The following VAT1L variants were observed in gnomAD, a reference collection of about 807,000 sequenced individuals.
The protein encoded by VAT1L is vesicle amine transport 1 like.
A neutral mutation model predicts 44.1 loss-of-function variants in VAT1L; 34 were observed. That is an observed-to-expected ratio of 0.77 (90% CI 0.59 to 1.03). The LOEUF is 1.03. Among genes scored for constraint, VAT1L ranks in the 50% least tolerant of loss-of-function variants. The probability of loss-of-function intolerance (pLI) is 0.00; values close to 1 mark genes in which losing one functional copy is unlikely to be tolerated. For missense variants in VAT1L, 615 were observed against 538.8 expected, an observed-to-expected ratio of 1.14 and a Z score of -1.40; for synonymous variants, 253 against 202.2, an observed-to-expected ratio of 1.25 and a Z score of -2.13.
At chr16:77,929,321 A>G (rs1051889149) in intron 7 of VAT1L, among the ~76,000 whole-genome samples, 4 of 151,972 alleles carry the variant, frequency 2.6e-5, no homozygotes, top group African/African-American at 9.7e-5. Context: ...GATTGGCAAC[A>G]TTTTCTCAAC....
chr16:77,863,041 C>A (rs115912534), intron 4 of VAT1L, 151 bp downstream of exon 4: 6 of 955,536 alleles, frequency 6.3e-6, no homozygotes, highest in East Asian at 2.7e-5. Flanking sequence ...ATATTTCACA[C>A]GCATTAGTTC....
At chr16:77,963,467 C>G (rs4887926) in intron 7 of VAT1L, among the ~76,000 whole-genome samples, 1 of 151,854 alleles carries the variant, frequency 6.6e-6, no homozygotes, top group Non-Finnish European at 1.5e-5. Context: ...GCAGCCCTGC[C>G]GGAGCCTTGA....
At chr16:77,863,043 C>A (rs770319111) in intron 4 of VAT1L, among the ~76,000 whole-genome samples, 153 bp downstream of exon 4, 37 of 152,312 alleles carry the variant, frequency 2.4e-4, no homozygotes, top group Non-Finnish European at 4.6e-4. Flanking sequence ...ATTTCACACG[C>A]ATTAGTTCAT....
chr16:77,857,784 T>C (rs1327576153), intron 3 of VAT1L, among the ~76,000 whole-genome samples: 1 of 151,018 alleles, frequency 6.6e-6, no homozygotes. Flanking sequence ...TATTATATGT[T>C]ATATAATAAT....
At chr16:77,857,446 A>C (rs946847108) in intron 3 of VAT1L, among the ~76,000 whole-genome samples, 20 of 152,160 alleles carry the variant, frequency 1.3e-4, no homozygotes, top group Admixed American at 1.3e-3. Flanking sequence ...AGCATTATTT[A>C]AAATTTATTG....
chr16:77,826,576 C>T (rs1281263409), intron 3 of VAT1L, among the ~76,000 whole-genome samples: 1 of 152,128 alleles, frequency 6.6e-6, no homozygotes, highest in Non-Finnish European at 1.5e-5. Context: ...AAAATTTCTG[C>T]TCTAGATTTC....
In VAT1L at chr16:77,977,585, T is replaced by G. The variant is rs774685343; in HGVS notation, c.1162-12T>G. 14 of 1,613,192 alleles carry G rather than the reference T, an allele frequency of 8.7e-6. No homozygotes were observed. Among genetic ancestry groups the G allele is most frequent in the Non-Finnish European group, 1.2e-5 (14 of 1,179,614 alleles). On this transcript the variant is annotated splice_polypyrimidine_tract_variant and intron_variant, in intron 8 of 8. Transcript: ENST00000302536. Reference sequence around the variant, plus strand: ...TGCACAACCCTCAATAACATCCTCTTTTGAATTACAGATGGCCAATGACAG... The same window carrying G: ...TGCACAACCCTCAATAACATCCTCTGTTGAATTACAGATGGCCAATGACAG...
chr16:77,807,785 G>C (rs1169914653), intron 1 of VAT1L, among the ~76,000 whole-genome samples: 1 of 152,094 alleles, frequency 6.6e-6, no homozygotes, highest in Non-Finnish European at 1.5e-5. Flanking sequence ...TAAGGTGGTT[G>C]TGTTACTATC....
chr16:77,913,171 T>C (rs1251431493), intron 7 of VAT1L, among the ~76,000 whole-genome samples: 1 of 152,224 alleles, frequency 6.6e-6, no homozygotes, highest in East Asian at 1.9e-4. Context: ...AATGATTTAA[T>C]TTTAATTTCA....
intron 7 of VAT1L, among the ~76,000 whole-genome samples, 160 bp from the exon 8 acceptor site, chr16:77,971,690 T>C (rs909778794): frequency 7.9e-5 from 12 of 152,148 alleles, no homozygotes; most frequent in Non-Finnish European, 1.5e-5. Context: ...CCAACCAGAA[T>C]GTAGTTGCAC....
intron 7 of VAT1L, among the ~76,000 whole-genome samples, chr16:77,951,463 T>C (rs2018041901): frequency 6.6e-6 from 1 of 152,166 alleles, no homozygotes. Context: ...GGAGAATCGC[T>C]TGAACCCAAG....
chr16:77,867,577 C>T (rs904057355), intron 4 of VAT1L, among the ~76,000 whole-genome samples: 4 of 151,992 alleles, frequency 2.6e-5, no homozygotes, highest in African/African-American at 9.7e-5. Flanking sequence ...ATATTTAAGG[C>T]CAGGCTTTGG....
chr16:77,867,853 T>C (rs2016991292), intron 4 of VAT1L, among the ~76,000 whole-genome samples: 1 of 128,810 alleles, frequency 7.8e-6, no homozygotes, highest in African/African-American at 2.9e-5. Flanking sequence ...AGCGAGACTA[T>C]CTTAAAAAAA....
intron 7 of VAT1L, among the ~76,000 whole-genome samples, chr16:77,962,953 A>C (rs2018180138): frequency 6.6e-6 from 1 of 152,086 alleles, no homozygotes; most frequent in Non-Finnish European, 1.5e-5. Context: ...CTCAAAAACA[A>C]AACAAGAAAA....
At chr16:77,892,864 G>A in intron 7 of VAT1L, 1 of 1,050,224 alleles carries the variant, frequency 9.5e-7, no homozygotes, top group Non-Finnish European at 1.5e-6. Flanking sequence ...TTGGGTCCAG[G>A]AATGGCAAGA....
Position 77,839,351 on chromosome 16 carries a change from C to T in VAT1L, c.579+13890C>T, listed in dbSNP as rs140326531. Among the ~76,000 whole-genome samples, 25 of 151,568 alleles carry T rather than the reference C, an allele frequency of 1.6e-4. 2 individuals are homozygous for T. The highest frequency in any genetic ancestry group is 3.4e-3 in the Middle Eastern group (1 of 292). ...GAGATGGAGACCATCCTGGCCAACA[C>T]GGTGAAACCCTGTCTCTACTAAAAA... On this transcript the variant is annotated intron_variant, in intron 3 of 8. Coordinates refer to ENST00000302536, the MANE Select transcript of VAT1L (RefSeq NM_020927.3).
At chr16:77,934,611 G>A (rs1004864300) in intron 7 of VAT1L, among the ~76,000 whole-genome samples, 2 of 152,178 alleles carry the variant, frequency 1.3e-5, no homozygotes, top group African/African-American at 4.8e-5. Flanking sequence ...CACTAAGTCT[G>A]TAGTAATTTG....
At chr16:77,936,712 C>T (rs933413097) in intron 7 of VAT1L, among the ~76,000 whole-genome samples, 2 of 152,120 alleles carry the variant, frequency 1.3e-5, no homozygotes, top group Non-Finnish European at 2.9e-5. Flanking sequence ...AGGCTCCTCC[C>T]TGCTGCAAAC....
intron 2 of VAT1L, among the ~76,000 whole-genome samples, chr16:77,823,986 G>T (rs1177124241): frequency 2.0e-5 from 3 of 152,270 alleles, no homozygotes; most frequent in Non-Finnish European, 4.4e-5. Flanking sequence ...TCGTGCCATT[G>T]CACTCCAGCC....
Sources: allele counts gnomAD v4.1 joint callset (sites outside exome capture counted in the v4.1 genomes callset), GRCh38; gene constraint gnomAD v4.1.1; transcripts MANE v1.5; gene names NCBI Gene and HGNC (gene_info 2026-07-23, HGNC 2026-07-21).